The following SPAG17 variants were observed in gnomAD, a reference collection of about 807,000 sequenced individuals.
SPAG17 encodes sperm-associated antigen 17.
A neutral mutation model predicts 273.6 loss-of-function variants in SPAG17; 169 were observed. The observed-to-expected ratio is 0.62, with a 90% CI of 0.55 to 0.70. SPAG17 has a LOEUF of 0.70. Ranked by LOEUF, SPAG17 falls within the 30% of genes least tolerant of loss-of-function variation. SPAG17 has a pLI of 0.00. For synonymous variants in SPAG17, 825 were observed against 873.2 expected, an observed-to-expected ratio of 0.94 and a Z score of 0.97; for missense variants, 2,557 against 2,627.8, an observed-to-expected ratio of 0.97 and a Z score of 0.59.
chr1:118,147,922 A>G (rs1031929457), intron 3 of SPAG17, among the ~76,000 whole-genome samples: 39 of 152,198 alleles, frequency 2.6e-4, no homozygotes, highest in African/African-American at 9.2e-4. Context: ...CAGGCTAGGA[A>G]ACCAGAAAGC....
In SPAG17 at chr1:118,005,467, G is replaced by A. The variant is rs780043297; in HGVS notation, c.4723C>T (p.His1575Tyr). The change falls in exon 32 of 49, where the codon CAT becomes TAT. Residue 1575 changes from histidine (H) to tyrosine (Y), a missense_variant. Coordinates refer to ENST00000336338, the MANE Select transcript of SPAG17 (RefSeq NM_206996.4). ...QLRAGRYIMR[H>Y]TSEVICEVLD... ...ACCTCACAGATAACCTCTGAAGTAT[G>A]CCTCATGATGTACCTGCCAGCTCGC... The A allele has an allele frequency of 6.2e-7, 1 of 1,613,548 alleles. No individual in the cohort carries two copies. Among genetic ancestry groups the A allele is most frequent in the Non-Finnish European group, 8.5e-7 (1 of 1,179,692 alleles).
intron 1 of SPAG17, among the ~76,000 whole-genome samples, chr1:118,173,043 A>G (rs910863568): frequency 1.3e-5 from 2 of 152,064 alleles, no homozygotes; most frequent in African/African-American, 2.4e-5. Context: ...GAAAAAGAAA[A>G]TCAGAATTTA....
intron 24 of SPAG17, among the ~76,000 whole-genome samples, chr1:118,034,055 G>A (rs776193065): frequency 6.6e-6 from 1 of 152,146 alleles, no homozygotes; most frequent in African/African-American, 2.4e-5. Context: ...CCCACAGAAA[G>A]TACAGTATAT....
rs539147498 is a variant in SPAG17, at chr1:118,090,699, C to T, written c.1359+907G>A. Among the ~76,000 whole-genome samples, 833 of 152,130 alleles carry T rather than the reference C, an allele frequency of 5.5e-3. 2 individuals carry two copies. Among genetic ancestry groups the T allele is most frequent in the Non-Finnish European group, 8.9e-3 (606 of 67,986 alleles). ...ACGAGTTAAAGACCATACTGGGCAACATAGCAAGGCCTTGTCTCTCCAAAA... is the reference window on the plus strand; with the variant it reads ...ACGAGTTAAAGACCATACTGGGCAATATAGCAAGGCCTTGTCTCTCCAAAA... On this transcript the variant is annotated intron_variant, in intron 10 of 48. Coordinates refer to ENST00000336338, the MANE Select transcript of SPAG17 (RefSeq NM_206996.4).
chr1:118,124,899 G>A (rs1341799091), intron 3 of SPAG17, among the ~76,000 whole-genome samples: 1 of 152,114 alleles, frequency 6.6e-6, no homozygotes, highest in Non-Finnish European at 1.5e-5. Context: ...TGGAGCTACT[G>A]GACTCCCATC....
rs560899535 is a variant in SPAG17, at chr1:118,036,794, A to C, written c.3409T>G (p.Tyr1137Asp). The C allele has an allele frequency of 6.9e-5, 108 of 1,556,156 alleles. No homozygotes were observed. The highest frequency in any genetic ancestry group is 9.0e-5 in the Non-Finnish European group (103 of 1,148,588). The change falls in exon 24 of 49, where the codon TAT (tyrosine) becomes GAT (aspartate). Residue 1137 changes from tyrosine (Y) to aspartate (D), a missense_variant. Tyr to Asp is a radical substitution (Grantham distance 160). Transcript: ENST00000336338. ...CCTGGTGCCATTCCATTTGATCCAT[A>C]GTAACTTATCGAGAGGCAGATTCCA... ...ENGICLSISY[Y>D]GSNGMAPEDK...
intron 32 of SPAG17, among the ~76,000 whole-genome samples, chr1:118,001,282 C>T (rs941545615): frequency 2.0e-5 from 3 of 152,036 alleles, no homozygotes; most frequent in South Asian, 4.2e-4. Flanking sequence ...TAAAATTCTC[C>T]TTTTTTGTTG....
chr1:118,115,035 A>G (rs991323315), intron 4 of SPAG17, among the ~76,000 whole-genome samples: 1 of 152,122 alleles, frequency 6.6e-6, no homozygotes, highest in Non-Finnish European at 1.5e-5. Context: ...CTTGGCTACA[A>G]CTTTATTATA....
At chr1:118,094,658 TA>T (rs1222567926) in intron 7 of SPAG17, among the ~76,000 whole-genome samples, 5 of 152,226 alleles carry the variant, frequency 3.3e-5, no homozygotes, top group Admixed American at 3.3e-4. Flanking sequence ...TTATAATTTT[TA>T]TGCTTATTAA....
chr1:118,184,000 G>A (rs1302466338), intron 1 of SPAG17, among the ~76,000 whole-genome samples: 1 of 152,080 alleles, frequency 6.6e-6, no homozygotes, highest in Non-Finnish European at 1.5e-5. Flanking sequence ...CATCACATCA[G>A]CATCAGGAGT....
chr1:118,143,468 C>T (rs762031987), intron 3 of SPAG17, among the ~76,000 whole-genome samples: 4 of 151,794 alleles, frequency 2.6e-5, no homozygotes, highest in Non-Finnish European at 5.9e-5. Context: ...CTGGCAGGGG[C>T]GGGAGGATAG....
At chr1:117,967,600 A>T (rs1654024472) in intron 46 of SPAG17, among the ~76,000 whole-genome samples, 1 of 152,220 alleles carries the variant, frequency 6.6e-6, no homozygotes. Flanking sequence ...CTAATGCAGG[A>T]TGCATAAAAT....
chr1:118,149,125 G>A (rs1039885581), intron 3 of SPAG17, among the ~76,000 whole-genome samples: 5 of 152,168 alleles, frequency 3.3e-5, no homozygotes, highest in African/African-American at 1.2e-4. Context: ...GTATGTGAGC[G>A]AGTGTGGGAG....
In SPAG17 at chr1:118,020,634, G is replaced by A. The variant is rs770580167; in HGVS notation, c.4069+2670C>T. 8.6e-5 allele frequency among the ~76,000 whole-genome samples: 13 copies of A among 151,950 alleles called. No homozygotes were observed. In the South Asian group the frequency reaches 1.0e-3, roughly 12 times the overall value. On this transcript the variant is annotated intron_variant, in intron 28 of 48. Transcript: ENST00000336338. ...AAATAATGATTAAATTATAAGGAAC[G>A]CAGCACCAAAGAGATTATTCTAGCT...
chr1:118,178,198 T>C (rs537592135), intron 1 of SPAG17, among the ~76,000 whole-genome samples: 2 of 152,142 alleles, frequency 1.3e-5, no homozygotes, highest in East Asian at 3.9e-4. Flanking sequence ...TGCACCAACC[T>C]AATACTAGCA....
chr1:118,004,815 C>T (rs575147347), intron 32 of SPAG17, among the ~76,000 whole-genome samples: 1 of 152,352 alleles, frequency 6.6e-6, no homozygotes, highest in East Asian at 1.9e-4. Context: ...CCTCCGTGGG[C>T]TGCACCCACT....
rs1224592487 is a variant in SPAG17, at chr1:117,954,758, A to G, written c.*1-709T>C. Reference sequence around the variant, plus strand: ...CTTTGTCTTCAAAAGTCTCTTTTGAATCTTGGCATTCTCTAGGATATTTTG... The same window carrying G: ...CTTTGTCTTCAAAAGTCTCTTTTGAGTCTTGGCATTCTCTAGGATATTTTG... On this transcript the variant is annotated intron_variant, in intron 48 of 48. Transcript: ENST00000336338. 6.2e-6 allele frequency: 6 copies of G among 971,838 alleles called. No individual in the cohort carries two copies. In the East Asian group the frequency reaches 1.0e-4, roughly 16 times the overall value. The allele number at this position is 971,838 out of a possible 1,614,324, so 60.2% of individuals were successfully genotyped here.
intron 47 of SPAG17, chr1:117,965,979 T>G (rs1288203121): frequency 6.6e-6 from 1 of 152,218 alleles, no homozygotes; most frequent in East Asian, 1.9e-4. Context: ...AGTTTTCACA[T>G]TCTATAAGAT....
chr1:117,990,227 A>C (rs1656922165), intron 38 of SPAG17, among the ~76,000 whole-genome samples: 1 of 152,202 alleles, frequency 6.6e-6, no homozygotes, highest in South Asian at 2.1e-4. Context: ...GTACAAGCCC[A>C]CACTGTGGAG....
Sources: gnomAD v4.1 joint callset for allele counts (sites outside exome capture counted in the v4.1 genomes callset) on GRCh38, gnomAD v4.1.1 for gene constraint, MANE v1.5 for transcripts, NCBI Gene and HGNC (gene_info 2026-07-23, HGNC 2026-07-21) for gene names.